CHTOP: variants seen among roughly 807,000 people sequenced by gnomAD.
CHTOP encodes the protein chromatin target of PRMT1, also known as chromatin target of PRMT1 protein.
CHTOP carries 18 observed loss-of-function variants against 33.6 expected under a neutral mutation model. The observed-to-expected ratio is 0.54, with a 90% CI of 0.37 to 0.80. The LOEUF (loss-of-function observed/expected upper bound fraction) is 0.80. Ranked by LOEUF, CHTOP falls within the 30% of genes least tolerant of loss-of-function variation. The probability of loss-of-function intolerance (pLI) is 0.00; values close to 1 mark genes in which losing one functional copy is unlikely to be tolerated. For synonymous variants in CHTOP, 117 were observed against 127.7 expected, an observed-to-expected ratio of 0.92 and a Z score of 0.56; for missense variants, 263 against 336.8, an observed-to-expected ratio of 0.78 and a Z score of 1.71.
At chr1:153,634,544 G>A (rs999482226) in intron 1 of CHTOP, 1 of 89,208 alleles carries the variant, frequency 1.1e-5, no homozygotes, top group Non-Finnish European at 2.4e-5. Context: ...GATGGAGGTT[G>A]GGGTTTGATA....
chr1:153,645,215 G>C lies in CHTOP; in HGVS notation c.693G>C (p.Leu231=), dbSNP rs1668768954. 2.5e-6 allele frequency: 4 copies of C among 1,614,186 alleles called. No individual in the cohort carries two copies. In the East Asian group the frequency reaches 8.9e-5, roughly 36 times the overall value. The change falls in exon 6 of 6, where the codon CTG becomes CTC. Residue 231 remains leucine (L), a synonymous_variant. Coordinates refer to ENST00000368694, the MANE Select transcript of CHTOP (RefSeq NM_015607.4). ...DAYMSKTKGH[L]DAELDAYMAQ... ...ATATGTCGAAAACAAAAGGACACCT[G>C]GATGCTGAGTTGGATGCCTACATGG...
chr1:153,643,181 G>C, intron 4 of CHTOP, 46 bp from the exon 5 acceptor site: 4 of 1,611,472 alleles, frequency 2.5e-6, no homozygotes, highest in Non-Finnish European at 3.4e-6. Context: ...TCTACTTTGT[G>C]TCTCTTGGAT....
chr1:153,639,887 G>C (rs1668557003), intron 3 of CHTOP, among the ~76,000 whole-genome samples: 1 of 152,098 alleles, frequency 6.6e-6, no homozygotes, highest in Non-Finnish European at 1.5e-5. Context: ...CGCCTCCCGG[G>C]TTCAAGCGAT....
intron 3 of CHTOP, among the ~76,000 whole-genome samples, chr1:153,638,882 CTT>C (rs34440523): frequency 0.51 from 72,788 of 142,518 alleles, 18,653 homozygotes; most frequent in East Asian, 0.7. Flanking sequence ...CAAAGGTTTT[CTT>C]TTTTTTTTTT....
At chr1:153,644,490 A>G (rs1041646847) in intron 5 of CHTOP, 2 of 152,452 alleles carry the variant, frequency 1.3e-5, no homozygotes, top group Non-Finnish European at 2.9e-5. Context: ...AACTCAAAAT[A>G]TTTTTTCAAA....
chr1:153,635,292 G>C (rs1326344986), intron 1 of CHTOP, among the ~76,000 whole-genome samples: 1 of 151,872 alleles, frequency 6.6e-6, no homozygotes, highest in Admixed American at 6.6e-5. Flanking sequence ...TCTAGGCCCA[G>C]ATGTCTGTAT....
intron 1 of CHTOP, among the ~76,000 whole-genome samples, chr1:153,635,194 G>A (rs924894291): frequency 1.3e-5 from 2 of 150,958 alleles, no homozygotes; most frequent in Non-Finnish European, 3.0e-5. Context: ...AACTTTAGCT[G>A]CACATTAGAA....
chr1:153,642,515 CTT>C, intron 4 of CHTOP, 86 bp downstream of exon 4: 1 of 1,095,540 alleles, frequency 9.1e-7, no homozygotes, highest in Non-Finnish European at 1.3e-6. Context: ...TGTTTAACAT[CTT>C]TAAGCCTGAA....
At chr1:153,644,673 T>G (rs1299989418) in intron 5 of CHTOP, among the ~76,000 whole-genome samples, 1 of 152,232 alleles carries the variant, frequency 6.6e-6, no homozygotes, top group Non-Finnish European at 1.5e-5. Context: ...TCTGTGCTCT[T>G]GTTACCACCT....
chr1:153,640,245 C>G (rs1458789505), intron 3 of CHTOP, among the ~76,000 whole-genome samples: 1 of 151,602 alleles, frequency 6.6e-6, no homozygotes, highest in Non-Finnish European at 1.5e-5. Context: ...GAGGCCAAGG[C>G]AGGCGGATCA....
Position 153,645,901 on chromosome 1 carries a change from A to G in CHTOP, c.*632A>G, listed in dbSNP as rs1280087857. ...TTTGATTCAAGTTGCTACCATGTAC[A>G]TTGACAGCACATATACCATAACCAG... On this transcript the variant is annotated 3_prime_UTR_variant, in exon 6 of 6. Coordinates refer to ENST00000368694, the MANE Select transcript of CHTOP (RefSeq NM_015607.4). 1 of 153,106 alleles carries G rather than the reference A, an allele frequency of 6.5e-6. No individual in the cohort carries two copies. Among genetic ancestry groups the G allele is most frequent in the African/African-American group, 2.4e-5 (1 of 41,460 alleles). 9.5% of individuals were successfully genotyped at this position (153,106 alleles called of 1,614,324 possible).
intron 3 of CHTOP, among the ~76,000 whole-genome samples, chr1:153,641,772 AATT>A (rs1399563525): frequency 6.6e-6 from 1 of 152,210 alleles, no homozygotes; most frequent in East Asian, 1.9e-4. Context: ...GTGAACTTGT[AATT>A]TAAGTTTTGC....
In CHTOP at chr1:153,645,136, C is replaced by A; in HGVS notation, c.614C>A (p.Ala205Asp). 1 of 1,613,970 alleles carries A rather than the reference C, an allele frequency of 6.2e-7. No individual in the cohort carries two copies. Among genetic ancestry groups the A allele is most frequent in the Non-Finnish European group, 8.5e-7 (1 of 1,180,024 alleles). Residue 205 changes from alanine (A) to aspartate (D), a missense_variant, in exon 6 of 6, where the codon GCC becomes GAC. Transcript: ENST00000368694. ...RGRGRGRGRGALARPVLTKEQ... is the reference protein window; with the variant it reads ...RGRGRGRGRGDLARPVLTKEQ... Reference sequence around the variant, plus strand: ...CGAGGCCGTGGACGAGGGAGAGGTGCCCTTGCTCGCCCTGTATTGACCAAG... The same window carrying A: ...CGAGGCCGTGGACGAGGGAGAGGTGACCTTGCTCGCCCTGTATTGACCAAG...
intron 1 of CHTOP, among the ~76,000 whole-genome samples, chr1:153,635,500 A>G (rs941421122): frequency 2.0e-5 from 3 of 151,312 alleles, no homozygotes; most frequent in African/African-American, 4.9e-5. Context: ...ATATGTAGTC[A>G]AGGTTGAAAA....
chr1:153,643,177 T>C, intron 4 of CHTOP, 50 bp from the exon 5 acceptor site: 1 of 1,610,388 alleles, frequency 6.2e-7, no homozygotes, highest in Non-Finnish European at 8.5e-7. Flanking sequence ...AGAATCTACT[T>C]TGTGTCTCTT....
intron 3 of CHTOP, among the ~76,000 whole-genome samples, chr1:153,639,613 T>A (rs1041766023): frequency 2.0e-5 from 3 of 152,104 alleles, no homozygotes; most frequent in African/African-American, 4.8e-5. Flanking sequence ...CCTCCCTGAC[T>A]CAGGAAAGCA....
chr1:153,639,170 C>T (rs549208768), intron 3 of CHTOP, among the ~76,000 whole-genome samples: 174 of 152,254 alleles, frequency 1.1e-3, no homozygotes, highest in Non-Finnish European at 2.2e-3. Flanking sequence ...CTTGAGCCAC[C>T]GCGCCCAGCA....
At chr1:153,636,724 G>T (rs1668421042) in intron 2 of CHTOP, 71 bp downstream of exon 2, 1 of 1,319,186 alleles carries the variant, frequency 7.6e-7, no homozygotes, top group Non-Finnish European at 1.1e-6. Flanking sequence ...GGGGTCCAAT[G>T]CACAAAGCCA....
chr1:153,645,134 T>C lies in CHTOP; in HGVS notation c.612T>C (p.Gly204=), dbSNP rs1455731990. 6.2e-7 allele frequency: 1 copy of C among 1,610,664 alleles called. No homozygotes were observed. The highest frequency in any genetic ancestry group is 2.2e-5 in the East Asian group (1 of 44,774). The part of the protein sequence containing the change: ...GRGRGRGRGR[G]ALARPVLTKE... Reference sequence around the variant, plus strand: ...GCCGAGGCCGTGGACGAGGGAGAGGTGCCCTTGCTCGCCCTGTATTGACCA... The same window carrying C: ...GCCGAGGCCGTGGACGAGGGAGAGGCGCCCTTGCTCGCCCTGTATTGACCA... The change falls in exon 6 of 6, where the codon GGT becomes GGC. Residue 204 remains glycine (G), a synonymous_variant. Transcript: ENST00000368694.
Sources: gnomAD v4.1 joint callset for allele counts (sites outside exome capture counted in the v4.1 genomes callset) on GRCh38, gnomAD v4.1.1 for gene constraint, MANE v1.5 for transcripts, NCBI Gene and HGNC (gene_info 2026-07-23, HGNC 2026-07-21) for gene names.